Variants in SLC30A4 observed in about 807,000 individuals in gnomAD.
The protein encoded by SLC30A4 is solute carrier family 30 member 4.
Under a neutral mutation model 41.7 loss-of-function variants are expected in SLC30A4, and 20 were observed. That is an observed-to-expected ratio of 0.48 (90% CI 0.34 to 0.70). The LOEUF (loss-of-function observed/expected upper bound fraction) is 0.70, where lower values mean the gene tolerates loss of function less well. Among genes scored for constraint, SLC30A4 ranks in the 30% least tolerant of loss-of-function variants. SLC30A4 has a pLI of 0.01. For missense variants in SLC30A4, 441 were observed against 529.3 expected, an observed-to-expected ratio of 0.83 and a Z score of 1.64; for synonymous variants, 181 against 195.9, an observed-to-expected ratio of 0.92 and a Z score of 0.64.
intron 2 of SLC30A4, among the ~76,000 whole-genome samples, chr15:45,511,688 T>A (rs957378907): frequency 3.3e-5 from 5 of 152,208 alleles, no homozygotes; most frequent in African/African-American, 1.2e-4. Flanking sequence ...TTCACCATGT[T>A]GGCCAGGCTG....
At chr15:45,486,532 A>G (rs1021885138) in intron 7 of SLC30A4, 79 bp downstream of exon 7, 1 of 1,277,066 alleles carries the variant, frequency 7.8e-7, no homozygotes, top group Non-Finnish European at 1.1e-6. Context: ...GTCTTCCTAC[A>G]TAATTATAAG....
At chr15:45,502,508 C>T (rs1892058649) in intron 3 of SLC30A4, 1 of 152,286 alleles carries the variant, frequency 6.6e-6, no homozygotes, top group African/African-American at 2.4e-5. Context: ...ATCTTAGCCT[C>T]CCAAGTAGCT....
intron 2 of SLC30A4, among the ~76,000 whole-genome samples, chr15:45,520,724 A>G (rs768043713): frequency 6.6e-6 from 1 of 152,254 alleles, no homozygotes; most frequent in Non-Finnish European, 1.5e-5. Context: ...CTGGGACCAC[A>G]ATTGAAGAAA....
chr15:45,495,857 T>G (rs1891898280), intron 3 of SLC30A4, among the ~76,000 whole-genome samples: 1 of 152,198 alleles, frequency 6.6e-6, no homozygotes, highest in Non-Finnish European at 1.5e-5. Context: ...AAATGGCATA[T>G]TAAGATACTG....
At chr15:45,496,726 T>C (rs1248430686) in intron 3 of SLC30A4, among the ~76,000 whole-genome samples, 5 of 152,024 alleles carry the variant, frequency 3.3e-5, no homozygotes, top group Admixed American at 3.3e-4. Context: ...CCGGATGTGG[T>C]AGCTCATGCC....
intron 3 of SLC30A4, among the ~76,000 whole-genome samples, chr15:45,499,788 G>A (rs951795824): frequency 6.6e-6 from 1 of 152,052 alleles, no homozygotes; most frequent in African/African-American, 2.4e-5. Context: ...CCCCTAACCT[G>A]CTCTCCATCT....
intron 6 of SLC30A4, among the ~76,000 whole-genome samples, chr15:45,487,052 A>C (rs543204593): frequency 1.4e-5 from 2 of 146,816 alleles, no homozygotes; most frequent in East Asian, 2.0e-4. Flanking sequence ...AAGAAAAGAA[A>C]AGAACATATA....
At chr15:45,517,298 CCA>C (rs1265105387) in intron 2 of SLC30A4, among the ~76,000 whole-genome samples, 1 of 151,028 alleles carries the variant, frequency 6.6e-6, no homozygotes, top group Non-Finnish European at 1.5e-5. Context: ...TCTCTTCTAA[CCA>C]CAGACTCATA....
rs373262854 is a variant in SLC30A4, at chr15:45,522,168, T to G, written c.187A>C (p.Asn63His). 33 of 1,614,106 alleles carry G rather than the reference T, an allele frequency of 2.0e-5. No homozygotes were observed. The highest frequency in any genetic ancestry group is 2.7e-5 in the Non-Finnish European group (32 of 1,180,048). ...GCCTGGAGGGTCGGGTGCGCCCCGTTAACAGGCCTTTCCGGGGCTTCGGAA... is the reference window on the plus strand; with the variant it reads ...GCCTGGAGGGTCGGGTGCGCCCCGTGAACAGGCCTTTCCGGGGCTTCGGAA... Reference protein sequence around the residue: ...DGSEAPERPVNGAHPTLQADD... With the variant: ...DGSEAPERPVHGAHPTLQADD... Residue 63 changes from asparagine (N) to histidine (H), a missense_variant, in exon 2 of 8, where the codon AAC becomes CAC. Asn to His is a moderately conservative substitution (Grantham distance 68, BLOSUM62 1). This residue lies in a region of SLC30A4 where 312 missense variants were observed against 341.9 expected (regional missense o/e 0.91). Coordinates refer to ENST00000261867, the MANE Select transcript of SLC30A4 (RefSeq NM_013309.6).
In SLC30A4 at chr15:45,490,897, CAT is replaced by C. The variant is rs1441464752; in HGVS notation, c.539-18_539-17del. Reference sequence around the variant, plus strand: ...GACAAAACCTCTAGAGGGAAAAACACATATAACAAATACATTTTCAGCATGGT... The same window carrying C: ...GACAAAACCTCTAGAGGGAAAAACACATAACAAATACATTTTCAGCATGGT... On this transcript the variant is annotated splice_polypyrimidine_tract_variant and intron_variant, in intron 3 of 7. Coordinates refer to ENST00000261867, the MANE Select transcript of SLC30A4 (RefSeq NM_013309.6). The C allele has an allele frequency of 1.3e-6, 2 of 1,522,568 alleles. No individual in the cohort carries two copies. The highest frequency in any genetic ancestry group is 1.8e-6 in the Non-Finnish European group (2 of 1,130,018). The allele number at this position is 1,522,568 out of a possible 1,614,324, so 94.3% of individuals were successfully genotyped here. A position where few individuals can be genotyped will look rare whatever the true frequency, so the allele number is the denominator to read the frequency against.
At chr15:45,501,601 A>T (rs1427993654) in intron 3 of SLC30A4, among the ~76,000 whole-genome samples, 1 of 152,156 alleles carries the variant, frequency 6.6e-6, no homozygotes, top group African/African-American at 2.4e-5. Context: ...CCTGGGCTCA[A>T]GTGATCCTCC....
In SLC30A4 at chr15:45,499,307, C is replaced by T. The variant is rs1891970768; in HGVS notation, c.539-8426G>A. Among the ~76,000 whole-genome samples, 4 of 152,148 alleles carry T rather than the reference C, an allele frequency of 2.6e-5. No individual in the cohort carries two copies. In the South Asian group the frequency reaches 8.3e-4, roughly 32 times the overall value. ...CAGGATGGTCTCAATCTCCTGACCT[C>T]GTGATCTGCCCGCCTTGGCCTCTCA... On this transcript the variant is annotated intron_variant, in intron 3 of 7. Transcript: ENST00000261867.
At chr15:45,497,967 C>A (rs1891941697) in intron 3 of SLC30A4, among the ~76,000 whole-genome samples, 1 of 152,172 alleles carries the variant, frequency 6.6e-6, no homozygotes, top group African/African-American at 2.4e-5. Flanking sequence ...ACACACAACC[C>A]AAACATATTT....
At chr15:45,510,380 G>A (rs1892259969) in intron 3 of SLC30A4, among the ~76,000 whole-genome samples, 1 of 152,148 alleles carries the variant, frequency 6.6e-6, no homozygotes, top group Admixed American at 6.6e-5. Flanking sequence ...TATTAGCCAG[G>A]AGCATCAGTG....
chr15:45,491,817 C>T (rs1037714598), intron 3 of SLC30A4, among the ~76,000 whole-genome samples: 3 of 151,136 alleles, frequency 2.0e-5, no homozygotes, highest in East Asian at 1.9e-4. Flanking sequence ...TGCAGTGAAC[C>T]GTATGCTACT....
chr15:45,511,699 G>T (rs1325826807), intron 2 of SLC30A4, among the ~76,000 whole-genome samples: 1 of 152,202 alleles, frequency 6.6e-6, no homozygotes, highest in African/African-American at 2.4e-5. Flanking sequence ...GGCCAGGCTG[G>T]TCTCAAACTC....
intron 7 of SLC30A4, among the ~76,000 whole-genome samples, chr15:45,485,814 T>G (rs1566874331): frequency 1.3e-5 from 2 of 151,660 alleles, no homozygotes; most frequent in Non-Finnish European, 2.9e-5. Context: ...GTGTCCTGAG[T>G]GCAAGCAATT....
chr15:45,507,357 T>TAAAC (rs778693344), intron 3 of SLC30A4, among the ~76,000 whole-genome samples: 1 of 146,898 alleles, frequency 6.8e-6, no homozygotes, highest in African/African-American at 2.5e-5. Context: ...AATAAATAAA[T>TAAAC]AATAAATTTC....
At position 45,481,574 on chromosome 15, in the gene SLC30A4, G is replaced by A. The variant is rs887887526; in HGVS notation, c.*3589C>T. The stretch of plus-strand genomic sequence containing the variant: ...GTGGTCTGTGGTCCTGTCATAATCT[G>A]TTTTCCCAGTGCAAAATTAATAATG... On this transcript the variant is annotated 3_prime_UTR_variant, in exon 8 of 8. Transcript: ENST00000261867. 1.1e-4 allele frequency: 16 copies of A among 152,260 alleles called. No individual in the cohort carries two copies. Among genetic ancestry groups the A allele is most frequent in the African/African-American group, 3.9e-4 (16 of 41,554 alleles). The allele number at this position is 152,260 out of a possible 1,614,324, so 9.4% of individuals were successfully genotyped here.
Sources: allele counts gnomAD v4.1 joint callset (sites outside exome capture counted in the v4.1 genomes callset), GRCh38; gene constraint gnomAD v4.1.1; regional missense constraint gnomAD v4.1.1; transcripts MANE v1.5; gene names NCBI Gene and HGNC (gene_info 2026-07-23, HGNC 2026-07-21).